The following USP32 variants were observed in gnomAD, a reference collection of about 807,000 sequenced individuals.
USP32 encodes the protein ubiquitin specific peptidase 32.
USP32 carries 59 observed loss-of-function variants against 204.8 expected under a neutral mutation model. That is an observed-to-expected ratio of 0.29 (90% CI 0.23 to 0.36). The LOEUF is 0.36. USP32 is among the 10% of genes least tolerant of loss of function. The pLI, the probability that USP32 is intolerant of heterozygous loss-of-function variation, is 1.00. For synonymous variants in USP32, 517 were observed against 678.4 expected (o/e 0.76, Z 3.70); for missense variants, 1,160 against 1,946.4 (o/e 0.60, Z 7.60).
chr17:60,289,417 G>A (rs2087213015), intron 4 of USP32, among the ~76,000 whole-genome samples: 1 of 152,044 alleles, frequency 6.6e-6, no homozygotes, highest in African/African-American at 2.4e-5. Context: ...AAATCTGTAT[G>A]GAATTAAAAT....
chr17:60,294,787 A>G lies in USP32; in HGVS notation c.307T>C (p.Phe103Leu). ...EEKAKYIFSL[F>L]SSESGNYVIR... Reference sequence around the variant, plus strand: ...ACATAGTTCCCAGATTCACTTGAAAAAAGACTAAAAATGTCTAAGAAAAAG... The same window carrying G: ...ACATAGTTCCCAGATTCACTTGAAAGAAGACTAAAAATGTCTAAGAAAAAG... Residue 103 changes from phenylalanine to leucine, a missense_variant, in exon 4 of 34, where the codon TTT becomes CTT. Physicochemically the swap from Phe to Leu is conservative, Grantham distance 22. This residue lies in a region of USP32 where 536 missense variants were observed against 680.9 expected (regional missense o/e 0.79). Coordinates refer to ENST00000300896, the MANE Select transcript of USP32 (RefSeq NM_032582.4). The G allele has an allele frequency of 6.2e-7, 1 of 1,604,936 alleles. No homozygotes were observed. The highest frequency in any genetic ancestry group is 8.5e-7 in the Non-Finnish European group (1 of 1,173,738).
intron 2 of USP32, among the ~76,000 whole-genome samples, chr17:60,325,662 C>T (rs1274932189): frequency 6.6e-6 from 1 of 152,034 alleles, no homozygotes; most frequent in Non-Finnish European, 1.5e-5. Context: ...CGCGGTGGCT[C>T]ACACCTATAA....
chr17:60,318,550 TCAAGTAAAGA>T (rs1202587442), intron 2 of USP32, among the ~76,000 whole-genome samples: 1 of 152,136 alleles, frequency 6.6e-6, no homozygotes, highest in African/African-American at 2.4e-5. Context: ...CAGTTGAGAC[TCAAGTAAAGA>T]CAACAAAAAT....
chr17:60,181,211 G>C (rs1334844203), intron 32 of USP32, 113 bp downstream of exon 32: 2 of 1,366,630 alleles, frequency 1.5e-6, no homozygotes, highest in Non-Finnish European at 2.0e-6. Context: ...CTATCACTAA[G>C]CTCAATGCTA....
intron 16 of USP32, among the ~76,000 whole-genome samples, chr17:60,218,175 G>A (rs368636327): frequency 6.6e-6 from 1 of 152,138 alleles, no homozygotes. Context: ...ACGAGGTCAG[G>A]AGATAGAGAC....
chr17:60,202,311 C>A (rs2084697139), intron 26 of USP32, among the ~76,000 whole-genome samples: 2 of 152,148 alleles, frequency 1.3e-5, no homozygotes, highest in Admixed American at 1.3e-4. Context: ...AATATCATAT[C>A]TTTGTGAAAT....
At chr17:60,313,625 A>G (rs1237639641) in intron 2 of USP32, among the ~76,000 whole-genome samples, 1 of 152,068 alleles carries the variant, frequency 6.6e-6, no homozygotes, top group African/African-American at 2.4e-5. Context: ...GCTCACATTG[A>G]GTTTATCAGT....
At chr17:60,407,673 T>G (rs974464850) in intron 1 of USP32, among the ~76,000 whole-genome samples, 1 of 149,020 alleles carries the variant, frequency 6.7e-6, no homozygotes, top group African/African-American at 2.5e-5. Context: ...TCCCAGCTAC[T>G]CAGGAGGCTG....
Position 60,232,551 on chromosome 17 carries a change from T to A in USP32, c.1239+3587A>T, listed in dbSNP as rs1190863142. ...GGACTGGAAAGAGAAATTTGATTTTTTTTTTTTTTTTTTTAAATACAGTCT... is the reference window on the plus strand; with the variant it reads ...GGACTGGAAAGAGAAATTTGATTTTATTTTTTTTTTTTTTAAATACAGTCT... On this transcript the variant is annotated intron_variant, in intron 12 of 33. Transcript: ENST00000300896. Among the ~76,000 whole-genome samples the A allele has an allele frequency of 2.2e-3, 328 of 150,856 alleles. 1 individual carries two copies. The highest frequency in any genetic ancestry group is 7.8e-3 in the African/African-American group (320 of 41,078).
chr17:60,181,715 C>G lies in USP32; in HGVS notation c.4157G>C (p.Ser1386Thr), dbSNP rs1475071372. Residue 1386 changes from serine (S) to threonine (T), a missense_variant, in exon 32 of 34, where the codon AGC (serine) becomes ACC (threonine). By Grantham distance (58) the Ser-to-Thr change is moderately conservative. Coordinates refer to ENST00000300896, the MANE Select transcript of USP32 (RefSeq NM_032582.4). ...GCTGCTGTTTTTGCTGGAGGGACAG[C>G]TGGTTCCACTTTTTCTTGATGAAGA... is the stretch of plus-strand genomic sequence containing the variant. ...SPSSSRKSGTSCPSSKNSSPN... is the reference protein window; with the variant it reads ...SPSSSRKSGTTCPSSKNSSPN... The G allele has an allele frequency of 6.2e-7, 1 of 1,608,806 alleles. No homozygotes were observed. Among genetic ancestry groups the G allele is most frequent in the South Asian group, 1.1e-5 (1 of 90,878 alleles).
intron 4 of USP32, among the ~76,000 whole-genome samples, chr17:60,290,250 T>G (rs2087238103): frequency 6.6e-6 from 1 of 152,204 alleles, no homozygotes. Flanking sequence ...GAACTTTCTC[T>G]CAGGACCATA....
rs192120469 is a variant in USP32, at chr17:60,268,444, A to G, written c.811+1006T>C. Reference sequence around the variant, plus strand: ...AAAAATTAGCCAGGCATGGTGGTACATGCCTGTAGTCCCAGCTACCTAGGA... The same window carrying G: ...AAAAATTAGCCAGGCATGGTGGTACGTGCCTGTAGTCCCAGCTACCTAGGA... On this transcript the variant is annotated intron_variant, in intron 7 of 33. Coordinates refer to ENST00000300896, the MANE Select transcript of USP32 (RefSeq NM_032582.4). 1.4e-3 allele frequency among the ~76,000 whole-genome samples: 211 copies of G among 151,510 alleles called. 1 individual carries two copies. Among genetic ancestry groups the G allele is most frequent in the African/African-American group, 4.8e-3 (198 of 41,288 alleles).
rs573404683 is a variant in USP32 at position 60,180,025 on chromosome 17, C to T, written c.4641+520G>A. Among the ~76,000 whole-genome samples the T allele has an allele frequency of 1.1e-4, 17 of 151,246 alleles. 1 individual carries two copies. In the South Asian group the frequency reaches 3.5e-3, roughly 32 times the overall value. The stretch of plus-strand genomic sequence containing the variant: ...ATAGGAGTTTTTGCATTAACTAACT[C>T]CTGTTTTTTTTTTTTCTTGAGACAG... On this transcript the variant is annotated intron_variant, in intron 33 of 33. Coordinates refer to ENST00000300896, the MANE Select transcript of USP32 (RefSeq NM_032582.4).
At position 60,389,395 on chromosome 17, in the gene USP32, A is replaced by T. The variant is rs538680055; in HGVS notation, c.58+2487T>A. On this transcript the variant is annotated intron_variant, in intron 1 of 33. Coordinates refer to ENST00000300896, the MANE Select transcript of USP32 (RefSeq NM_032582.4). Reference sequence around the variant, plus strand: ...CATCTCTACTAAAAATACAAAAAATAAGCCAGGAGTGGTGGCATGCGCCTG... The same window carrying T: ...CATCTCTACTAAAAATACAAAAAATTAGCCAGGAGTGGTGGCATGCGCCTG... 4.5e-3 allele frequency among the ~76,000 whole-genome samples: 679 copies of T among 151,804 alleles called. 5 individuals are homozygous for T. The highest frequency in any genetic ancestry group is 0.016 in the African/African-American group (646 of 41,204).
chr17:60,326,157 AAAATAAGT>A, intron 2 of USP32, among the ~76,000 whole-genome samples: 1 of 150,202 alleles, frequency 6.7e-6, no homozygotes, highest in South Asian at 2.1e-4. Flanking sequence ...TCACTTTGAT[AAAATAAGT>A]AAATAAGTAA....
rs1365533647 is a variant in USP32, at chr17:60,191,293, T to C, written c.3522-610A>G. Reference sequence around the variant, plus strand: ...GGCAGGCACCTATAATCCCAGCTACTTGGGAGGCTGAGGTGGGAGAATTGC... The same window carrying C: ...GGCAGGCACCTATAATCCCAGCTACCTGGGAGGCTGAGGTGGGAGAATTGC... On this transcript the variant is annotated intron_variant, in intron 28 of 33. Transcript: ENST00000300896. 3.3e-5 allele frequency among the ~76,000 whole-genome samples: 5 copies of C among 150,110 alleles called. 1 individual carries two copies. Among genetic ancestry groups the C allele is most frequent in the South Asian group, 4.2e-4 (2 of 4,728 alleles).
chr17:60,236,042 T>C, intron 12 of USP32, 96 bp downstream of exon 12: 1 of 949,050 alleles, frequency 1.1e-6, no homozygotes, highest in Non-Finnish European at 1.7e-6. Flanking sequence ...GAGCATTTTA[T>C]TATTGGCTGG....
At chr17:60,271,812 CTT>C (rs907699792) in intron 5 of USP32, among the ~76,000 whole-genome samples, 10 of 142,640 alleles carry the variant, frequency 7.0e-5, no homozygotes, top group Admixed American at 1.4e-4. Context: ...TTTTTTTCTT[CTT>C]TTTTTTTTTT....
chr17:60,345,975 C>G (rs1473379835), intron 1 of USP32, among the ~76,000 whole-genome samples: 3 of 151,606 alleles, frequency 2.0e-5, no homozygotes, highest in African/African-American at 7.3e-5. Context: ...GAGCGAAACT[C>G]TGTCTCAAAA....
Sources: allele counts gnomAD v4.1 joint callset (sites outside exome capture counted in the v4.1 genomes callset), GRCh38; gene constraint gnomAD v4.1.1; regional missense constraint gnomAD v4.1.1; transcripts MANE v1.5; gene names NCBI Gene and HGNC (gene_info 2026-07-23, HGNC 2026-07-21).